CACUL1: variants seen among roughly 807,000 people sequenced by gnomAD.
The protein encoded by CACUL1 is CDK2-associated and cullin domain-containing protein 1.
CACUL1 carries 13 observed loss-of-function variants against 45.2 expected under a neutral mutation model. The ratio of observed to expected loss-of-function variants is 0.29; its 90% CI spans 0.19 to 0.46. The LOEUF is 0.46. Among genes scored for constraint, CACUL1 ranks in the 20% least tolerant of loss-of-function variants. CACUL1 has a pLI of 1.00. For synonymous variants in CACUL1, 197 were observed against 174.2 expected (o/e 1.13, Z -1.03); for missense variants, 421 against 471.4 (o/e 0.89, Z 0.99).
At chr10:118,712,348 C>T (rs2119601332) in intron 3 of CACUL1, among the ~76,000 whole-genome samples, 1 of 152,334 alleles carries the variant, frequency 6.6e-6, no homozygotes, top group African/African-American at 2.4e-5. Flanking sequence ...CCCAAAGGGC[C>T]CCAAAGAGGG....
At chr10:118,708,745 G>C (rs1845456694) in intron 3 of CACUL1, among the ~76,000 whole-genome samples, 1 of 152,106 alleles carries the variant, frequency 6.6e-6, no homozygotes, top group African/African-American at 2.4e-5. Context: ...CCTCCCATAG[G>C]GCTCAGAAAA....
chr10:118,736,545 T>C (rs1564837891), intron 1 of CACUL1, among the ~76,000 whole-genome samples: 1 of 150,546 alleles, frequency 6.6e-6, no homozygotes, highest in East Asian at 1.9e-4. Context: ...TTTTGCCATG[T>C]TCCCCAGGCT....
At chr10:118,726,285 G>A (rs751048309) in intron 3 of CACUL1, 1 of 1,272,310 alleles carries the variant, frequency 7.9e-7, no homozygotes, top group Non-Finnish European at 1.0e-6. Context: ...TACAAATCTA[G>A]AGAGCACAGG....
At position 118,686,142 on chromosome 10, in the gene CACUL1, T is replaced by G. The variant is rs767038412; in HGVS notation, c.1096A>C (p.Arg366=). 3.7e-6 allele frequency: 6 copies of G among 1,612,740 alleles called. No homozygotes were observed. In the East Asian group the frequency reaches 1.3e-4, roughly 36 times the overall value. The change falls in exon 9 of 9, where the codon AGG becomes CGG. Residue 366 remains arginine (R), a synonymous_variant. Coordinates refer to ENST00000369151, the MANE Select transcript of CACUL1 (RefSeq NM_153810.5). ...YNSSSACASS[R]GYR ...CAATACATTCACTATCTGTACCCCCTGGAACTTGCACATGCTGACGAGCTA... is the reference window on the plus strand; with the variant it reads ...CAATACATTCACTATCTGTACCCCCGGGAACTTGCACATGCTGACGAGCTA...
At chr10:118,697,527 T>C (rs1235263461) in intron 5 of CACUL1, among the ~76,000 whole-genome samples, 1 of 152,242 alleles carries the variant, frequency 6.6e-6, no homozygotes, top group Non-Finnish European at 1.5e-5. Context: ...TTTTGATACC[T>C]GAATTGGGAC....
intron 1 of CACUL1, among the ~76,000 whole-genome samples, chr10:118,742,817 T>G (rs924291858): frequency 6.6e-6 from 1 of 152,076 alleles, no homozygotes; most frequent in Non-Finnish European, 1.5e-5. Context: ...CCTAAATAAA[T>G]AGGAGACAGC....
At chr10:118,737,533 T>C (rs76068804) in intron 1 of CACUL1, among the ~76,000 whole-genome samples, 397 of 152,282 alleles carry the variant, frequency 2.6e-3, no homozygotes, top group African/African-American at 9.0e-3. Context: ...TAAAACCTCC[T>C]TTGCCTTGCT....
At chr10:118,694,844 A>G in intron 6 of CACUL1, 1 of 259,654 alleles carries the variant, frequency 3.9e-6, no homozygotes, top group Non-Finnish European at 7.7e-6. Flanking sequence ...GGCAGGAAGT[A>G]AAGAAGAAAC....
In CACUL1 at chr10:118,676,832, G is replaced by A. The variant is rs1041124029; in HGVS notation, c.*9296C>T. The stretch of plus-strand genomic sequence containing the variant: ...AATTTAAACATTTTAAAATATATAT[G>A]TCTATGTACACACACACACACACAC... On this transcript the variant is annotated 3_prime_UTR_variant, in exon 9 of 9. Transcript: ENST00000369151. 1 of 106,402 alleles carries A rather than the reference G, an allele frequency of 9.4e-6. No homozygotes were observed. The highest frequency in any genetic ancestry group is 3.7e-5 in the African/African-American group (1 of 26,740). 6.6% of individuals were successfully genotyped at this position (106,402 alleles called of 1,614,324 possible).
At chr10:118,689,365 T>A (rs1309971857) in intron 7 of CACUL1, among the ~76,000 whole-genome samples, 1 of 152,224 alleles carries the variant, frequency 6.6e-6, no homozygotes. Flanking sequence ...TCAGAATACT[T>A]TTATGAGGCA....
Position 118,677,402 on chromosome 10 carries a change from C to CA in CACUL1, c.*8725dup, listed in dbSNP as rs1181599350. ...GCTTTACACTGAATATACATTAACT[C>CA]AGAGAACTGGCATGTTTAGAATGGT... On this transcript the variant is annotated 3_prime_UTR_variant, in exon 9 of 9. Transcript: ENST00000369151. The CA allele has an allele frequency of 6.6e-6, 1 of 152,096 alleles. No individual in the cohort carries two copies. Among genetic ancestry groups the CA allele is most frequent in the East Asian group, 1.9e-4 (1 of 5,198 alleles). 9.4% of individuals were successfully genotyped at this position (152,096 alleles called of 1,614,324 possible). A position where few individuals can be genotyped will look rare whatever the true frequency, so the allele number is the denominator to read the frequency against.
chr10:118,722,807 G>T (rs1845613767), intron 3 of CACUL1, among the ~76,000 whole-genome samples: 2 of 152,192 alleles, frequency 1.3e-5, no homozygotes, highest in Non-Finnish European at 2.9e-5. Flanking sequence ...CAGGGCAGAA[G>T]CACCTCCCCA....
intron 3 of CACUL1, among the ~76,000 whole-genome samples, chr10:118,710,286 T>C (rs1385654140): frequency 6.6e-6 from 1 of 152,156 alleles, no homozygotes; most frequent in Non-Finnish European, 1.5e-5. Context: ...CATTTACAGA[T>C]GAGGTGATTG....
chr10:118,690,349 AT>A (rs1192588420), intron 7 of CACUL1, among the ~76,000 whole-genome samples: 1 of 151,600 alleles, frequency 6.6e-6, no homozygotes, highest in African/African-American at 2.4e-5. Flanking sequence ...GATTATAAAA[AT>A]GGAAGCTATT....
At chr10:118,709,342 C>A (rs1055548065) in intron 3 of CACUL1, among the ~76,000 whole-genome samples, 1 of 152,154 alleles carries the variant, frequency 6.6e-6, no homozygotes, top group African/African-American at 2.4e-5. Context: ...GTCGAAGACA[C>A]TGTGTTTTAC....
chr10:118,696,509 C>G (rs1160086028), intron 5 of CACUL1, among the ~76,000 whole-genome samples: 1 of 152,070 alleles, frequency 6.6e-6, no homozygotes, highest in Non-Finnish European at 1.5e-5. Context: ...CTAGGCGTGG[C>G]GGCAGGCGCC....
rs781079594 is a variant in CACUL1 at position 118,747,954 on chromosome 10, G to A, written c.367+6442C>T. On this transcript the variant is annotated intron_variant, in intron 1 of 8. Coordinates refer to ENST00000369151, the MANE Select transcript of CACUL1 (RefSeq NM_153810.5). ...ACAAAAATTAGCTAGGTGTGGTGGT[G>A]TGTGCCTGTAATCCCAGCTGCTCGG... Among the ~76,000 whole-genome samples, 40 of 152,082 alleles carry A rather than the reference G, an allele frequency of 2.6e-4. 1 individual carries two copies. Among genetic ancestry groups the A allele is most frequent in the Non-Finnish European group, 2.9e-4 (20 of 67,996 alleles).
intron 5 of CACUL1, among the ~76,000 whole-genome samples, chr10:118,696,899 C>G (rs753490421): frequency 3.8e-4 from 58 of 152,310 alleles, no homozygotes; most frequent in Non-Finnish European, 5.4e-4. Context: ...ACTAACTCTT[C>G]GTATTCAACC....
chr10:118,712,953 G>A (rs764841320), intron 3 of CACUL1, among the ~76,000 whole-genome samples: 1 of 152,204 alleles, frequency 6.6e-6, no homozygotes, highest in Non-Finnish European at 1.5e-5. Context: ...TAGCTTGAAG[G>A]TGGAGGCCTC....
Sources: allele counts gnomAD v4.1 joint callset (sites outside exome capture counted in the v4.1 genomes callset), GRCh38; gene constraint gnomAD v4.1.1; transcripts MANE v1.5; gene names NCBI Gene and HGNC (gene_info 2026-07-23, HGNC 2026-07-21).